The following TMEM108 variants were observed in gnomAD, a reference collection of about 807,000 sequenced individuals.
TMEM108 encodes transmembrane protein 108, also known as cancer/testis antigen 124.
In TMEM108, 12 loss-of-function variants were observed where a neutral mutation model predicts 35.1. The observed-to-expected ratio is 0.34, with a 90% confidence interval of 0.22 to 0.55. TMEM108 has a LOEUF of 0.55. Ranked by LOEUF, TMEM108 falls within the 20% of genes least tolerant of loss-of-function variation. The pLI is 0.89. For missense variants in TMEM108, 680 were observed against 753.3 expected, an observed-to-expected ratio of 0.90 and a Z score of 1.14; for synonymous variants, 287 against 308.6, an observed-to-expected ratio of 0.93 and a Z score of 0.73.
intron 3 of TMEM108, among the ~76,000 whole-genome samples, chr3:133,373,374 G>T (rs2072735141): frequency 7.5e-6 from 1 of 132,814 alleles, no homozygotes; most frequent in Non-Finnish European, 1.6e-5. Context: ...AAGAAATTTA[G>T]ATAGATAGAT....
At chr3:133,195,108 C>G (rs1448378099) in intron 2 of TMEM108, among the ~76,000 whole-genome samples, 1 of 152,104 alleles carries the variant, frequency 6.6e-6, no homozygotes, top group Non-Finnish European at 1.5e-5. Context: ...CCTGTTTGCT[C>G]TATGTGGAAG....
At chr3:133,290,363 G>A (rs568662714) in intron 3 of TMEM108, among the ~76,000 whole-genome samples, 1 of 152,334 alleles carries the variant, frequency 6.6e-6, no homozygotes, top group East Asian at 1.9e-4. Flanking sequence ...ACTTACGCCT[G>A]TAATCCCAGC....
chr3:133,369,823 T>C (rs1049760686), intron 3 of TMEM108, among the ~76,000 whole-genome samples: 2 of 152,206 alleles, frequency 1.3e-5, no homozygotes, highest in Non-Finnish European at 1.5e-5. Context: ...CATCTGTGGG[T>C]ACATGATCTC....
chr3:133,123,635 G>T (rs1011146617), intron 2 of TMEM108, among the ~76,000 whole-genome samples: 5 of 152,198 alleles, frequency 3.3e-5, no homozygotes, highest in African/African-American at 1.2e-4. Flanking sequence ...ACTGAAATAG[G>T]AAATGGCAAT....
At chr3:133,204,555 T>C (rs1016614578) in intron 2 of TMEM108, among the ~76,000 whole-genome samples, 1 of 152,222 alleles carries the variant, frequency 6.6e-6, no homozygotes, top group Non-Finnish European at 1.5e-5. Context: ...AAATTTGTTA[T>C]TTACCCAGTA....
chr3:133,092,326 G>T (rs145330892), intron 2 of TMEM108, among the ~76,000 whole-genome samples: 18 of 152,318 alleles, frequency 1.2e-4, no homozygotes, highest in Non-Finnish European at 2.5e-4. Context: ...AACATCTCCA[G>T]TGTTTCCCAA....
chr3:133,171,782 C>T (rs1203492567), intron 2 of TMEM108, among the ~76,000 whole-genome samples: 1 of 152,138 alleles, frequency 6.6e-6, no homozygotes, highest in Non-Finnish European at 1.5e-5. Flanking sequence ...TATGAGAGGA[C>T]TCCATTAAGT....
In TMEM108 at chr3:133,214,019, G is replaced by A. The variant is rs76178053; in HGVS notation, c.-46-15247G>A. 1.0e-3 allele frequency among the ~76,000 whole-genome samples: 157 copies of A among 152,154 alleles called. 1 individual carries two copies. In the East Asian group the frequency reaches 0.027, roughly 26 times the overall value. ...AAGCCTTTGGGTCATTTCTGGCTTC[G>A]GGGAATCACAATTAACAGAGACAAC... is the stretch of plus-strand genomic sequence containing the variant. On this transcript the variant is annotated intron_variant, in intron 2 of 5. Transcript: ENST00000321871.
intron 2 of TMEM108, among the ~76,000 whole-genome samples, chr3:133,085,938 A>G (rs1559827982): frequency 6.6e-6 from 1 of 152,168 alleles, no homozygotes; most frequent in African/African-American, 2.4e-5. Context: ...AATGGAATCT[A>G]TAAGGTTTCT....
At chr3:133,197,201 G>A (rs927194502) in intron 2 of TMEM108, among the ~76,000 whole-genome samples, 1 of 152,186 alleles carries the variant, frequency 6.6e-6, no homozygotes, top group Non-Finnish European at 1.5e-5. Flanking sequence ...ACTCTCTGAG[G>A]AATAGGAAAC....
intron 3 of TMEM108, among the ~76,000 whole-genome samples, chr3:133,343,932 G>A (rs2071737901): frequency 6.6e-6 from 1 of 151,758 alleles, no homozygotes; most frequent in Admixed American, 6.6e-5. Flanking sequence ...AAACTGCATA[G>A]GTCTACTTAT....
chr3:133,372,564 C>G (rs1322297652), intron 3 of TMEM108, among the ~76,000 whole-genome samples: 1 of 152,204 alleles, frequency 6.6e-6, no homozygotes, highest in Admixed American at 6.5e-5. Flanking sequence ...ATAGGTGTGT[C>G]TGGGGCACAC....
At chr3:133,060,304 A>T (rs1436796397) in intron 2 of TMEM108, among the ~76,000 whole-genome samples, 1 of 152,158 alleles carries the variant, frequency 6.6e-6, no homozygotes, top group Admixed American at 6.5e-5. Context: ...AGGATTATCA[A>T]CCCAGAGAAG....
At chr3:133,157,823 T>A (rs1194337361) in intron 2 of TMEM108, among the ~76,000 whole-genome samples, 1 of 152,178 alleles carries the variant, frequency 6.6e-6, no homozygotes, top group Non-Finnish European at 1.5e-5. Context: ...TGAATATAGC[T>A]CTCTCAGGGT....
At chr3:133,379,669 T>G (rs1356722848) in intron 3 of TMEM108, 83 bp from the exon 4 acceptor site, 1 of 1,386,010 alleles carries the variant, frequency 7.2e-7, no homozygotes, top group African/African-American at 1.4e-5. Context: ...TTCCCAGCAC[T>G]GTCCTAGGCC....
chr3:133,156,608 G>A (rs1002938351), intron 2 of TMEM108, among the ~76,000 whole-genome samples: 1 of 152,176 alleles, frequency 6.6e-6, no homozygotes, highest in Admixed American at 6.5e-5. Context: ...AACTACAAGG[G>A]TGGAGTAGAA....
chr3:133,135,007 C>T (rs1217819972), intron 2 of TMEM108, among the ~76,000 whole-genome samples: 3 of 152,142 alleles, frequency 2.0e-5, no homozygotes, highest in African/African-American at 7.2e-5. Flanking sequence ...CTCCAAAATT[C>T]AAAGACATAT....
intron 3 of TMEM108, among the ~76,000 whole-genome samples, chr3:133,294,874 G>T (rs1490697768): frequency 6.6e-6 from 1 of 152,112 alleles, no homozygotes; most frequent in Non-Finnish European, 1.5e-5. Context: ...TAATGTATGT[G>T]CCATTTCAAT....
At chr3:133,135,660 G>A (rs1401553148) in intron 2 of TMEM108, among the ~76,000 whole-genome samples, 1 of 152,206 alleles carries the variant, frequency 6.6e-6, no homozygotes, top group Non-Finnish European at 1.5e-5. Context: ...AGCTGCAATA[G>A]TCACCTGAGA....
Sources: gnomAD v4.1 joint callset for allele counts (sites outside exome capture counted in the v4.1 genomes callset) on GRCh38, gnomAD v4.1.1 for gene constraint, MANE v1.5 for transcripts, NCBI Gene and HGNC (gene_info 2026-07-23, HGNC 2026-07-21) for gene names.